DGKB: variants seen among roughly 807,000 people sequenced by gnomAD.
DGKB encodes diacylglycerol kinase beta, also known as 90 kDa diacylglycerol kinase.
Under a neutral mutation model 114.3 loss-of-function variants are expected in DGKB, and 67 were observed. That is an observed-to-expected ratio of 0.59 (90% confidence interval 0.48 to 0.72). The LOEUF (loss-of-function observed/expected upper bound fraction) is 0.72. Among genes scored for constraint, DGKB ranks in the 30% least tolerant of loss-of-function variants. DGKB has a pLI of 0.00. For missense variants in DGKB, 907 were observed against 975.2 expected, an observed-to-expected ratio of 0.93 and a Z score of 0.93; for synonymous variants, 398 against 323.1, an observed-to-expected ratio of 1.23 and a Z score of -2.49.
At chr7:14,903,028 C>A (rs987571202), upstream of DGKB, 3 of 152,188 alleles carry the variant, frequency 2.0e-5, no homozygotes, top group Non-Finnish European at 4.4e-5. Flanking sequence ...CGTCCACCCC[C>A]AGTCCTCCAG....
At chr7:14,842,333 A>G (rs558871766) in intron 1 of DGKB, among the ~76,000 whole-genome samples, 2 of 151,398 alleles carry the variant, frequency 1.3e-5, no homozygotes, top group South Asian at 4.2e-4. Context: ...TCCAATATCA[A>G]CCCCAGGACC....
rs562750944 is a variant in DGKB, at chr7:14,502,758, C to T, written c.1771-24533G>A. Reference sequence around the variant, plus strand: ...AAAATATGATGTAATCTATATAACACTATTCTCTTCACAGAGCACCCCAAC... The same window carrying T: ...AAAATATGATGTAATCTATATAACATTATTCTCTTCACAGAGCACCCCAAC... On this transcript the variant is annotated intron_variant, in intron 20 of 25. Transcript: ENST00000402815. Among the ~76,000 whole-genome samples the T allele has an allele frequency of 5.9e-5, 9 of 152,186 alleles. No homozygotes were observed. The South Asian group carries it at 1.9e-3, about 32-fold the overall frequency.
intron 21 of DGKB, among the ~76,000 whole-genome samples, chr7:14,353,699 A>G (rs183390750): frequency 6.6e-6 from 1 of 152,294 alleles, no homozygotes; most frequent in Non-Finnish European, 1.5e-5. Context: ...TTTCACATAT[A>G]TTATTGAGAT....
intron 23 of DGKB, among the ~76,000 whole-genome samples, chr7:14,293,104 A>C (rs547959485): frequency 6.6e-6 from 1 of 152,298 alleles, no homozygotes; most frequent in South Asian, 2.1e-4. Flanking sequence ...TATTCTTTAT[A>C]TTTTACTTAC....
intron 2 of DGKB, among the ~76,000 whole-genome samples, chr7:14,780,631 A>AT (rs79637764): frequency 0.27 from 40,237 of 151,364 alleles, 6,894 homozygotes; most frequent in African/African-American, 0.48. Context: ...TGTTCCACAG[A>AT]TTTTTTTTTC....
chr7:14,813,543 C>G (rs1843705248), intron 2 of DGKB, among the ~76,000 whole-genome samples: 1 of 152,136 alleles, frequency 6.6e-6, no homozygotes, highest in Non-Finnish European at 1.5e-5. Context: ...TCTTATCTAA[C>G]CTTTTTGCTT....
intron 4 of DGKB, among the ~76,000 whole-genome samples, chr7:14,742,915 A>T (rs1172953372): frequency 6.6e-6 from 1 of 152,190 alleles, no homozygotes; most frequent in African/African-American, 2.4e-5. Flanking sequence ...AGGTCAAGCT[A>T]AAGGTTTAAA....
chr7:14,434,137 T>G (rs1317217130), intron 21 of DGKB, among the ~76,000 whole-genome samples: 5 of 152,170 alleles, frequency 3.3e-5, no homozygotes, highest in African/African-American at 1.2e-4. Flanking sequence ...ATTTTTCAGT[T>G]ACTTTAATGG....
chr7:14,370,065 C>CT (rs1303531778), intron 21 of DGKB, among the ~76,000 whole-genome samples: 1 of 151,874 alleles, frequency 6.6e-6, no homozygotes, highest in Non-Finnish European at 1.5e-5. Context: ...TCTTCTAGGG[C>CT]TTTTATGGTT....
intron 21 of DGKB, among the ~76,000 whole-genome samples, chr7:14,468,608 G>A (rs1441645189): frequency 6.6e-6 from 1 of 150,564 alleles, no homozygotes; most frequent in Non-Finnish European, 1.5e-5. Flanking sequence ...CAGCTTATAA[G>A]GAACAATAAA....
intron 1 of DGKB, among the ~76,000 whole-genome samples, chr7:14,851,431 A>G (rs1028858542): frequency 6.6e-6 from 1 of 152,060 alleles, no homozygotes; most frequent in Non-Finnish European, 1.5e-5. Flanking sequence ...TAGTATTGAG[A>G]CTGGCAGGTT....
At chr7:14,471,538 T>C (rs1051418118) in intron 21 of DGKB, among the ~76,000 whole-genome samples, 11 of 150,842 alleles carry the variant, frequency 7.3e-5, no homozygotes, top group Non-Finnish European at 1.5e-4. Context: ...AACTAATCTA[T>C]AAGTAATCTC....
At chr7:14,282,434 C>A (rs1800124721) in intron 23 of DGKB, among the ~76,000 whole-genome samples, 1 of 147,286 alleles carries the variant, frequency 6.8e-6, no homozygotes. Flanking sequence ...ACCAGAGGTA[C>A]AAGGAGGAAC....
intron 23 of DGKB, among the ~76,000 whole-genome samples, chr7:14,324,464 A>G (rs1204693590): frequency 1.4e-5 from 2 of 142,256 alleles, no homozygotes; most frequent in South Asian, 2.3e-4. Flanking sequence ...AAAAAAAAAG[A>G]AAGAATGTCA....
intron 13 of DGKB, among the ~76,000 whole-genome samples, chr7:14,634,936 C>T (rs1810449103): frequency 6.6e-6 from 1 of 151,304 alleles, no homozygotes; most frequent in African/African-American, 2.4e-5. Context: ...CTATTGTTGT[C>T]TTTATTAAAA....
At chr7:14,860,764 G>T (rs1850860794) in intron 1 of DGKB, among the ~76,000 whole-genome samples, 1 of 151,880 alleles carries the variant, frequency 6.6e-6, no homozygotes, top group East Asian at 1.9e-4. Context: ...TTTCCCTAGG[G>T]CATTAAGTTG....
intron 23 of DGKB, among the ~76,000 whole-genome samples, chr7:14,231,801 C>T (rs555410722): frequency 9.2e-5 from 14 of 151,894 alleles, no homozygotes; most frequent in African/African-American, 2.2e-4. Flanking sequence ...TATTGATTTT[C>T]GAGGAAAAGT....
chr7:14,425,951 G>A (rs541620267), intron 21 of DGKB, among the ~76,000 whole-genome samples: 3 of 152,008 alleles, frequency 2.0e-5, no homozygotes, highest in Non-Finnish European at 4.4e-5. Flanking sequence ...TTCAATTTTT[G>A]TTGGTAACAG....
intron 4 of DGKB, among the ~76,000 whole-genome samples, chr7:14,739,293 A>G (rs1832195322): frequency 2.0e-5 from 3 of 152,160 alleles, no homozygotes; most frequent in Admixed American, 6.5e-5. Context: ...CTGTCCCATA[A>G]CACATGCTCA....
Sources: gnomAD v4.1 joint callset for allele counts (sites outside exome capture counted in the v4.1 genomes callset) on GRCh38, gnomAD v4.1.1 for gene constraint, MANE v1.5 for transcripts, NCBI Gene and HGNC (gene_info 2026-07-23, HGNC 2026-07-21) for gene names.